ITGA9: variants seen among roughly 807,000 people sequenced by gnomAD.
ITGA9 encodes integrin alpha-9.
Under a neutral mutation model 127.8 loss-of-function variants are expected in ITGA9, and 56 were observed. The observed-to-expected ratio is 0.44, with a 90% CI of 0.35 to 0.55. ITGA9 has a LOEUF of 0.55. Ranked by LOEUF, ITGA9 falls within the 20% of genes least tolerant of loss-of-function variation. The pLI, the probability that ITGA9 is intolerant of heterozygous loss-of-function variation, is 0.00. For synonymous variants in ITGA9, 508 were observed against 514.5 expected (o/e 0.99, Z 0.17); for missense variants, 1,196 against 1,347.1 (o/e 0.89, Z 1.76).
In ITGA9 at chr3:37,524,871, A is replaced by G. The variant is rs116545641; in HGVS notation, c.1328-1155A>G. On this transcript the variant is annotated intron_variant, in intron 12 of 27. Transcript: ENST00000264741. ...GAATTTCTGATCTTGTGTTTTTCATAAGGGAAATTGACAAATTCATCAGGT... is the reference window on the plus strand; with the variant it reads ...GAATTTCTGATCTTGTGTTTTTCATGAGGGAAATTGACAAATTCATCAGGT... Among the ~76,000 whole-genome samples the G allele has an allele frequency of 2.5e-3, 381 of 152,358 alleles. 1 individual carries two copies. The highest frequency in any genetic ancestry group is 7.3e-3 in the African/African-American group (304 of 41,582).
intron 3 of ITGA9, among the ~76,000 whole-genome samples, chr3:37,475,432 C>T (rs1054209905): frequency 3.3e-5 from 5 of 152,204 alleles, no homozygotes; most frequent in African/African-American, 1.2e-4. Context: ...AGACAGAATT[C>T]TGTGTTACCA....
chr3:37,614,246 G>A (rs1419988563), intron 15 of ITGA9, among the ~76,000 whole-genome samples: 24 of 152,072 alleles, frequency 1.6e-4, no homozygotes, highest in African/African-American at 2.4e-4. Context: ...GCTTGTTTTC[G>A]TCAGGTTTGT....
intron 15 of ITGA9, among the ~76,000 whole-genome samples, chr3:37,581,451 TGTTG>T (rs1699708822): frequency 6.6e-6 from 1 of 152,162 alleles, no homozygotes; most frequent in South Asian, 2.1e-4. Context: ...ACCCACAAGA[TGTTG>T]GCTGGCTGGC....
intron 8 of ITGA9, among the ~76,000 whole-genome samples, chr3:37,511,650 G>A (rs922040033): frequency 6.6e-6 from 1 of 152,160 alleles, no homozygotes; most frequent in Non-Finnish European, 1.5e-5. Context: ...CTGGCAACTC[G>A]GTTTCTTTCC....
chr3:37,470,785 T>A (rs1320581023), intron 1 of ITGA9, among the ~76,000 whole-genome samples: 1 of 152,168 alleles, frequency 6.6e-6, no homozygotes, highest in Non-Finnish European at 1.5e-5. Flanking sequence ...ATTACAGGCA[T>A]GAGCCACCAC....
At chr3:37,755,314 G>T (rs1696637260) in intron 23 of ITGA9, among the ~76,000 whole-genome samples, 1 of 152,106 alleles carries the variant, frequency 6.6e-6, no homozygotes, top group African/African-American at 2.4e-5. Flanking sequence ...TGAAAGTGCT[G>T]CCCACTCCCT....
intron 15 of ITGA9, among the ~76,000 whole-genome samples, chr3:37,567,715 CG>C (rs1699561270): frequency 2.0e-5 from 3 of 152,150 alleles, no homozygotes; most frequent in Admixed American, 1.3e-4. Context: ...CAAAACCCAG[CG>C]GGGAAGTCAA....
At chr3:37,464,141 G>GTA (rs1335081835) in intron 1 of ITGA9, among the ~76,000 whole-genome samples, 3 of 151,838 alleles carry the variant, frequency 2.0e-5, no homozygotes, top group Non-Finnish European at 4.4e-5. Context: ...GTGTGTGTGT[G>GTA]TGTGTGTGTG....
chr3:37,635,876 C>T (rs996591328), intron 16 of ITGA9, among the ~76,000 whole-genome samples: 18 of 148,496 alleles, frequency 1.2e-4, no homozygotes, highest in South Asian at 6.5e-4. Context: ...TGAGAACATG[C>T]GGTGTTTGGT....
chr3:37,683,743 G>C (rs774317959), intron 17 of ITGA9, 122 bp from the exon 18 acceptor site: 12 of 963,696 alleles, frequency 1.2e-5, no homozygotes, highest in Admixed American at 2.0e-5. Flanking sequence ...CTAGTTAATG[G>C]GGCTCCTGGA....
At chr3:37,497,597 A>G (rs1288235842) in intron 5 of ITGA9, among the ~76,000 whole-genome samples, 1 of 152,204 alleles carries the variant, frequency 6.6e-6, no homozygotes, top group East Asian at 1.9e-4. Context: ...GAAACTAACT[A>G]CGTTATTTTT....
At chr3:37,610,544 A>G (rs1700006392) in intron 15 of ITGA9, among the ~76,000 whole-genome samples, 1 of 152,206 alleles carries the variant, frequency 6.6e-6, no homozygotes, top group Admixed American at 6.5e-5. Context: ...AAACTCTAAG[A>G]TGATACAAGT....
intron 13 of ITGA9, among the ~76,000 whole-genome samples, chr3:37,532,507 G>A (rs1418608503): frequency 6.6e-6 from 1 of 152,230 alleles, no homozygotes; most frequent in Non-Finnish European, 1.5e-5. Context: ...GTCTCTTTGT[G>A]AGGCCTGGAG....
chr3:37,598,871 TAA>T (rs370363165), intron 15 of ITGA9, among the ~76,000 whole-genome samples: 75 of 152,314 alleles, frequency 4.9e-4, no homozygotes, highest in African/African-American at 1.7e-3. Context: ...ATGTGTGTTT[TAA>T]AGGATCCGTG....
intron 15 of ITGA9, among the ~76,000 whole-genome samples, chr3:37,558,651 A>C (rs1200334059): frequency 6.6e-6 from 1 of 152,204 alleles, no homozygotes; most frequent in Non-Finnish European, 1.5e-5. Flanking sequence ...ATTGTGTGCC[A>C]GACACTGTGC....
intron 27 of ITGA9, among the ~76,000 whole-genome samples, chr3:37,810,402 C>T (rs896412110): frequency 6.6e-6 from 1 of 151,984 alleles, no homozygotes; most frequent in Non-Finnish European, 1.5e-5. Flanking sequence ...AAATAAACAA[C>T]AGCCCTCACC....
At chr3:37,774,919 A>G (rs1696888518) in intron 23 of ITGA9, among the ~76,000 whole-genome samples, 1 of 152,238 alleles carries the variant, frequency 6.6e-6, no homozygotes, top group African/African-American at 2.4e-5. Flanking sequence ...TCAAAGATAA[A>G]ATAGAGATAA....
intron 18 of ITGA9, among the ~76,000 whole-genome samples, chr3:37,727,151 C>T (rs141855361): frequency 2.0e-4 from 30 of 152,342 alleles, no homozygotes; most frequent in African/African-American, 6.3e-4. Flanking sequence ...CAGCTCGCTG[C>T]GCTGGCCAGC....
In ITGA9 at chr3:37,542,445, G is replaced by A; in HGVS notation, c.1549G>A (p.Ala517Thr). Residue 517 changes from alanine to threonine, a missense_variant, in exon 15 of 28, where the codon GCT becomes ACT. Transcript: ENST00000264741. ...GEIGLNYVLM[A>T]DVAKKEKGQM... is the part of the protein sequence containing the mutation. Reference sequence around the variant, plus strand: ...GGCAGGCCTGAATTATGTTCTGATGGCTGACGTGGCCAAAAAGGAGAAGGG... The same window carrying A: ...GGCAGGCCTGAATTATGTTCTGATGACTGACGTGGCCAAAAAGGAGAAGGG... 1 of 1,613,744 alleles carries A rather than the reference G, an allele frequency of 6.2e-7. No individual in the cohort carries two copies. The highest frequency in any genetic ancestry group is 8.5e-7 in the Non-Finnish European group (1 of 1,180,020).
Sources: allele counts gnomAD v4.1 joint callset (sites outside exome capture counted in the v4.1 genomes callset), GRCh38; gene constraint gnomAD v4.1.1; transcripts MANE v1.5; gene names NCBI Gene and HGNC (gene_info 2026-07-23, HGNC 2026-07-21).